The following DZIP3 variants were observed in gnomAD, a reference collection of about 807,000 sequenced individuals.
The protein encoded by DZIP3 is E3 ubiquitin-protein ligase DZIP3.
In DZIP3, 118 loss-of-function variants were observed where a neutral mutation model predicts 162.0. The observed-to-expected ratio is 0.73, with a 90% CI of 0.63 to 0.85. The LOEUF (loss-of-function observed/expected upper bound fraction) is 0.85, where lower values mean the gene tolerates loss of function less well. DZIP3 is among the 40% of genes least tolerant of loss of function. The pLI, the probability that DZIP3 is intolerant of heterozygous loss-of-function variation, is 0.00. For synonymous variants in DZIP3, 438 were observed against 458.6 expected, an observed-to-expected ratio of 0.96 and a Z score of 0.57; for missense variants, 1,331 against 1,407.0, an observed-to-expected ratio of 0.95 and a Z score of 0.86.
At chr3:108,688,295 C>G (rs1309295604) in intron 29 of DZIP3, among the ~76,000 whole-genome samples, 199 bp downstream of exon 29, 1 of 152,106 alleles carries the variant, frequency 6.6e-6, no homozygotes, top group Non-Finnish European at 1.5e-5. Flanking sequence ...CCTAATCATT[C>G]TAGAATAAAA....
intron 1 of DZIP3, among the ~76,000 whole-genome samples, chr3:108,604,255 TC>T (rs1206102950): frequency 2.0e-5 from 3 of 152,212 alleles, no homozygotes; most frequent in East Asian, 3.8e-4. Flanking sequence ...AGAAACTTCA[TC>T]CAGTCTTGTG....
At chr3:108,690,698 A>T (rs898950789) in intron 31 of DZIP3, 89 bp from the exon 32 acceptor site, 6 of 1,136,496 alleles carry the variant, frequency 5.3e-6, no homozygotes, top group Non-Finnish European at 6.5e-6. Context: ...ACCAGAAGAC[A>T]TGTTGGTTGG....
At chr3:108,633,742 A>G (rs1364428601) in intron 9 of DZIP3, among the ~76,000 whole-genome samples, 4 of 101,202 alleles carry the variant, frequency 4.0e-5, no homozygotes, top group South Asian at 7.7e-4. Context: ...TGGATCTATC[A>G]GAGTACTTCT....
intron 6 of DZIP3, among the ~76,000 whole-genome samples, chr3:108,625,533 T>C (rs1941552786): frequency 6.6e-6 from 1 of 152,216 alleles, no homozygotes; most frequent in Admixed American, 6.5e-5. Context: ...GAGCTGACAC[T>C]ATCAGTGTGC....
At chr3:108,626,506 T>C (rs554731613) in intron 7 of DZIP3, among the ~76,000 whole-genome samples, 101 of 152,344 alleles carry the variant, frequency 6.6e-4, no homozygotes, top group African/African-American at 2.3e-3. Flanking sequence ...TTTGGAGTAT[T>C]GGCTACTACT....
At position 108,677,580 on chromosome 3, in the gene DZIP3, A is replaced by G; in HGVS notation, c.2865A>G (p.Pro955=). Residue 955 remains proline (P), a synonymous_variant, in exon 26 of 33, where the codon CCA becomes CCG. Transcript: ENST00000361582. ...TLPPVQLPPP[P]PSPEILMQQF... ...CTCCAGTCCAGCTTCCTCCTCCACC[A>G]CCCAGTCCTGAGATACTGGTAAGAA... 1 of 1,612,204 alleles carries G rather than the reference A, an allele frequency of 6.2e-7. No homozygotes were observed. The highest frequency in any genetic ancestry group is 8.5e-7 in the Non-Finnish European group (1 of 1,178,754).
chr3:108,669,649 A>G, intron 21 of DZIP3, 32 bp from the exon 22 acceptor site: 1 of 1,596,194 alleles, frequency 6.3e-7, no homozygotes, highest in Non-Finnish European at 8.6e-7. Flanking sequence ...ATAATTTCTA[A>G]CATCTTTTGA....
intron 1 of DZIP3, among the ~76,000 whole-genome samples, chr3:108,600,574 A>G (rs544805054): frequency 1.3e-5 from 2 of 152,318 alleles, no homozygotes; most frequent in East Asian, 3.9e-4. Flanking sequence ...CTTAAATCTC[A>G]TTAACATTCC....
At chr3:108,631,224 A>C (rs1941873363) in intron 8 of DZIP3, among the ~76,000 whole-genome samples, 1 of 151,644 alleles carries the variant, frequency 6.6e-6, no homozygotes, top group South Asian at 2.1e-4. Context: ...TTTCCTTCCT[A>C]GGGTTGCTTC....
intron 25 of DZIP3, 116 bp from the exon 26 acceptor site, chr3:108,677,380 GA>G: frequency 1.8e-6 from 1 of 561,558 alleles, no homozygotes; most frequent in South Asian, 3.8e-5. Flanking sequence ...TATTATTTCT[GA>G]CAGGTTGGCA....
intron 17 of DZIP3, among the ~76,000 whole-genome samples, chr3:108,649,801 C>T (rs984410851): frequency 2.6e-5 from 4 of 151,566 alleles, no homozygotes; most frequent in Non-Finnish European, 5.9e-5. Context: ...GAATTCATAT[C>T]GAATCTGATA....
At chr3:108,644,935 A>T (rs1211484201) in intron 14 of DZIP3, among the ~76,000 whole-genome samples, 154 bp downstream of exon 14, 1 of 152,164 alleles carries the variant, frequency 6.6e-6, no homozygotes, top group Admixed American at 6.5e-5. Flanking sequence ...AGTGCTAGAG[A>T]TGTTTCCAGA....
chr3:108,636,648 A>T lies in DZIP3; in HGVS notation c.951A>T (p.Gly317=). The T allele has an allele frequency of 1.3e-6, 2 of 1,578,368 alleles. No individual in the cohort carries two copies. The highest frequency in any genetic ancestry group is 1.7e-6 in the Non-Finnish European group (2 of 1,168,410). The change falls in exon 11 of 33, where the codon GGA becomes GGT. Residue 317 remains glycine (G), a synonymous_variant. Transcript: ENST00000361582. ...SFSGKKCLKE[G]CTGDMVRMLQ... is the part of the protein sequence containing the mutation. Reference sequence around the variant, plus strand: ...GTGGGAAAAAATGTTTGAAGGAAGGATGTACAGGTGACATGGTAAGGATGC... The same window carrying T: ...GTGGGAAAAAATGTTTGAAGGAAGGTTGTACAGGTGACATGGTAAGGATGC...
At chr3:108,650,084 C>T (rs917831875) in intron 17 of DZIP3, among the ~76,000 whole-genome samples, 1 of 151,706 alleles carries the variant, frequency 6.6e-6, no homozygotes, top group East Asian at 1.9e-4. Flanking sequence ...GTTGCAAAGG[C>T]ATATAGTGTG....
intron 26 of DZIP3, among the ~76,000 whole-genome samples, chr3:108,680,710 G>T (rs919240535): frequency 2.0e-5 from 3 of 151,918 alleles, no homozygotes; most frequent in Non-Finnish European, 2.9e-5. Context: ...AAATTACAAG[G>T]TATCACCTCT....
In DZIP3 at chr3:108,631,055, A is replaced by ACACACACATACACTCT; in HGVS notation, c.696+1880_696+1881insACACACATACACTCTC. Among the ~76,000 whole-genome samples the ACACACACATACACTCT allele has an allele frequency of 1.7e-3, 30 of 18,022 alleles. 1 individual carries two copies. The highest frequency in any genetic ancestry group is 7.0e-3 in the South Asian group (3 of 426). 11.8% of individuals were successfully genotyped at this position (18,022 alleles called of 152,430 possible). On this transcript the variant is annotated intron_variant, in intron 8 of 32. Transcript: ENST00000361582. ...CACACACACACACACACACACACAC[A>ACACACACATACACTCT]CTCTCTCTCTCTCTCTCTCTCTCTC...
intron 12 of DZIP3, among the ~76,000 whole-genome samples, chr3:108,640,949 G>A (rs951988866): frequency 3.4e-5 from 5 of 145,732 alleles, no homozygotes; most frequent in Admixed American, 3.4e-4. Context: ...CTTTTAAATT[G>A]TTTTTTTTTT....
chr3:108,628,974 C>T (rs1941707089), intron 7 of DZIP3, 88 bp from the exon 8 acceptor site: 2 of 780,380 alleles, frequency 2.6e-6, no homozygotes, highest in Non-Finnish European at 4.0e-6. Flanking sequence ...CTATTTACCA[C>T]AAAAAAAGGG....
chr3:108,606,324 C>T (rs1379332249), intron 2 of DZIP3, among the ~76,000 whole-genome samples: 1 of 152,124 alleles, frequency 6.6e-6, no homozygotes, highest in African/African-American at 2.4e-5. Context: ...TTGGAGATCT[C>T]CCTCCAGGCT....
Sources: allele counts gnomAD v4.1 joint callset (sites outside exome capture counted in the v4.1 genomes callset), GRCh38; gene constraint gnomAD v4.1.1; transcripts MANE v1.5; gene names NCBI Gene and HGNC (gene_info 2026-07-23, HGNC 2026-07-21).